PRKCD: variants seen among roughly 807,000 people sequenced by gnomAD.
The protein encoded by PRKCD is protein kinase C delta, also known as protein kinase C delta type.
Under a neutral mutation model 82.2 loss-of-function variants are expected in PRKCD, and 20 were observed. The ratio of observed to expected loss-of-function variants is 0.24; its 90% CI spans 0.17 to 0.35. The LOEUF (loss-of-function observed/expected upper bound fraction) is 0.35. PRKCD is among the 10% of genes least tolerant of loss of function. PRKCD has a pLI of 1.00. For missense variants in PRKCD, 607 were observed against 899.0 expected, an observed-to-expected ratio of 0.68 and a Z score of 4.15; for synonymous variants, 317 against 337.0, an observed-to-expected ratio of 0.94 and a Z score of 0.65.
intron 2 of PRKCD, among the ~76,000 whole-genome samples, chr3:53,171,366 C>G (rs1195279231): frequency 6.6e-6 from 1 of 152,174 alleles, no homozygotes; most frequent in Non-Finnish European, 1.5e-5. Flanking sequence ...GACAGCCAGG[C>G]TCCCAAGTCC....
intron 2 of PRKCD, among the ~76,000 whole-genome samples, chr3:53,170,747 C>G (rs1412457035): frequency 2.0e-5 from 3 of 152,240 alleles, no homozygotes; most frequent in Non-Finnish European, 2.9e-5. Flanking sequence ...GTGCCAGACT[C>G]TAGTCAGGGA....
intron 3 of PRKCD, among the ~76,000 whole-genome samples, chr3:53,178,940 C>G (rs1553666550): frequency 6.6e-6 from 1 of 152,190 alleles, no homozygotes; most frequent in African/African-American, 2.4e-5. Context: ...AATAGGGAAG[C>G]CCAGAGAAGG....
intron 2 of PRKCD, among the ~76,000 whole-genome samples, chr3:53,170,606 G>A (rs1553664694): frequency 6.6e-6 from 1 of 152,232 alleles, no homozygotes; most frequent in Non-Finnish European, 1.5e-5. Flanking sequence ...TGGATCAAGA[G>A]GGACTTTCTT....
Position 53,183,593 on chromosome 3 carries a change from C to T in PRKCD, c.787+12C>T, listed in dbSNP as rs1319056409. ...ATTAAAGTGTGAAGGTGCGTGCCAC[C>T]CCGCCCCTGGGCTGCAGGAGGGGCA... On this transcript the variant is annotated intron_variant, in intron 9 of 18. Transcript: ENST00000330452. The T allele has an allele frequency of 1.2e-6, 2 of 1,613,346 alleles. No individual in the cohort carries two copies. The highest frequency in any genetic ancestry group is 2.7e-5 in the African/African-American group (2 of 75,054).
intron 2 of PRKCD, among the ~76,000 whole-genome samples, chr3:53,166,098 C>T (rs1702823337): frequency 6.6e-6 from 1 of 152,212 alleles, no homozygotes. Context: ...GCCAACCCTA[C>T]TGGCTGTTAC....
chr3:53,191,250 CA>C (rs1285533960), intron 18 of PRKCD, among the ~76,000 whole-genome samples: 2 of 151,604 alleles, frequency 1.3e-5, no homozygotes, highest in Admixed American at 6.6e-5. Flanking sequence ...ACAAAAAATA[CA>C]AAAAAAATTA....
chr3:53,180,334 T>C (rs1036073290), intron 4 of PRKCD, among the ~76,000 whole-genome samples: 1 of 152,180 alleles, frequency 6.6e-6, no homozygotes, highest in East Asian at 1.9e-4. Flanking sequence ...GGGGGCAACA[T>C]AGTGATCTTT....
At chr3:53,182,144 G>A (rs1703468838) in intron 7 of PRKCD, among the ~76,000 whole-genome samples, 1 of 152,220 alleles carries the variant, frequency 6.6e-6, no homozygotes, top group Non-Finnish European at 1.5e-5. Flanking sequence ...GTCCCTGAGG[G>A]TGTATACACG....
intron 18 of PRKCD, among the ~76,000 whole-genome samples, chr3:53,190,648 G>A (rs1406529614): frequency 1.3e-5 from 2 of 152,196 alleles, no homozygotes; most frequent in Non-Finnish European, 2.9e-5. Context: ...GAGAGCAGAG[G>A]CAGGTGGGGC....
chr3:53,190,071 C>A, intron 18 of PRKCD, 70 bp downstream of exon 18: 1 of 1,585,940 alleles, frequency 6.3e-7, no homozygotes, highest in Non-Finnish European at 8.6e-7. Context: ...TCTCCTGCAT[C>A]ATTCACACGC....
At chr3:53,182,681 T>G (rs1264739787) in intron 7 of PRKCD, among the ~76,000 whole-genome samples, 2 of 152,210 alleles carry the variant, frequency 1.3e-5, no homozygotes, top group Admixed American at 6.5e-5. Flanking sequence ...AGCCGCTCTG[T>G]GTAAGAAGTC....
intron 5 of PRKCD, 46 bp from the exon 6 acceptor site, chr3:53,181,398 C>T (rs781997834): frequency 7.4e-6 from 12 of 1,612,912 alleles, no homozygotes; most frequent in Middle Eastern, 1.6e-4. Flanking sequence ...AGGGGTGCCA[C>T]CCCTTCCAGA....
In PRKCD at chr3:53,179,659, G is replaced by A; in HGVS notation, c.198G>A (p.Gly66=). ...CGTTCGATGCCCACATCTATGAGGG[G>A]CGCGTCATCCAGATTGTGCTAATGC... ...KSTFDAHIYE[G]RVIQIVLMRA... The change falls in exon 4 of 19, where the codon GGG becomes GGA. Residue 66 remains glycine (G), a synonymous_variant. Transcript: ENST00000330452. 1 of 1,613,940 alleles carries A rather than the reference G, an allele frequency of 6.2e-7. No homozygotes were observed. The highest frequency in any genetic ancestry group is 8.5e-7 in the Non-Finnish European group (1 of 1,179,880).
At chr3:53,173,737 C>T (rs1553665383) in intron 2 of PRKCD, 2 of 152,214 alleles carry the variant, frequency 1.3e-5, no homozygotes, top group Non-Finnish European at 2.9e-5. Flanking sequence ...ACCTCAGCCT[C>T]CCAAAGTATT....
chr3:53,184,267 A>G (rs563008607), intron 9 of PRKCD, among the ~76,000 whole-genome samples: 21 of 151,928 alleles, frequency 1.4e-4, no homozygotes, highest in African/African-American at 5.1e-4. Flanking sequence ...CCCAGGAGGC[A>G]GAGCTTGCAG....
rs148604909 is a variant in PRKCD at position 53,168,341 on chromosome 3, G to A, written c.-20+3126G>A. Among the ~76,000 whole-genome samples, 99 of 152,356 alleles carry A rather than the reference G, an allele frequency of 6.5e-4. No homozygotes were observed. The East Asian group carries it at 0.015, about 23-fold the overall frequency. On this transcript the variant is annotated intron_variant, in intron 2 of 18. Transcript: ENST00000330452. ...GTCAGCACAGTTAGGGTTGGGCTAA[G>A]CATTGGCCTTCACTGTGTGGGGCCC...
At chr3:53,170,212 C>T (rs1553664598) in intron 2 of PRKCD, among the ~76,000 whole-genome samples, 1 of 152,194 alleles carries the variant, frequency 6.6e-6, no homozygotes, top group Non-Finnish European at 1.5e-5. Context: ...GAGCTGTTCC[C>T]ATCTCCAAAC....
intron 2 of PRKCD, among the ~76,000 whole-genome samples, chr3:53,170,923 G>C (rs1703001320): frequency 6.6e-6 from 1 of 150,976 alleles, no homozygotes; most frequent in African/African-American, 2.4e-5. Context: ...GAGCCGGTGA[G>C]TGCATGTGTG....
chr3:53,183,670 C>A, intron 9 of PRKCD, 89 bp downstream of exon 9: 2 of 1,543,364 alleles, frequency 1.3e-6, no homozygotes, highest in Non-Finnish European at 1.8e-6. Flanking sequence ...ACCCTCGCCT[C>A]CTCACCTGGA....
Sources: allele counts gnomAD v4.1 joint callset (sites outside exome capture counted in the v4.1 genomes callset), GRCh38; gene constraint gnomAD v4.1.1; transcripts MANE v1.5; gene names NCBI Gene and HGNC (gene_info 2026-07-23, HGNC 2026-07-21).